The following APBA1 variants were observed in gnomAD, a reference collection of about 807,000 sequenced individuals.
APBA1 encodes amyloid-beta A4 precursor protein-binding family A member 1.
In APBA1, 55 loss-of-function variants were observed where a neutral mutation model predicts 86.6. The observed-to-expected ratio is 0.64, with a 90% CI of 0.51 to 0.80. The LOEUF (loss-of-function observed/expected upper bound fraction) is 0.80. Ranked by LOEUF, APBA1 falls within the 30% of genes least tolerant of loss-of-function variation. The pLI, the probability that APBA1 is intolerant of heterozygous loss-of-function variation, is 0.00. For missense variants in APBA1, 1,090 were observed against 1,183.0 expected (o/e 0.92, Z 1.15); for synonymous variants, 511 against 493.9 (o/e 1.03, Z -0.46).
At chr9:69,502,305 G>T (rs1835891202) in intron 2 of APBA1, among the ~76,000 whole-genome samples, 1 of 152,082 alleles carries the variant, frequency 6.6e-6, no homozygotes, top group Non-Finnish European at 1.5e-5. Context: ...AACACATCTT[G>T]CCTAGAGCTG....
chr9:69,616,067 AG>A (rs1406234974), intron 1 of APBA1, among the ~76,000 whole-genome samples: 1 of 152,196 alleles, frequency 6.6e-6, no homozygotes, highest in Non-Finnish European at 1.5e-5. Flanking sequence ...ACGTAATTGC[AG>A]TTTCACAACC....
In APBA1 at chr9:69,439,523, C is replaced by T. The variant is rs137950715; in HGVS notation, c.2301+1473G>A. Among the ~76,000 whole-genome samples the T allele has an allele frequency of 4.9e-3, 750 of 152,252 alleles. 31 individuals carry two copies. In the East Asian group the frequency reaches 0.094, roughly 19 times the overall value. The stretch of plus-strand genomic sequence containing the variant: ...TTTCTCTAAAATCCTCTTTATGCTT[C>T]ATTTCATTCATTTCATCTTCCATTG... On this transcript the variant is annotated intron_variant, in intron 11 of 12. Transcript: ENST00000265381.
chr9:69,441,424 T>C (rs1156416371), intron 10 of APBA1, among the ~76,000 whole-genome samples: 3 of 152,190 alleles, frequency 2.0e-5, no homozygotes, highest in Admixed American at 1.3e-4. Flanking sequence ...CTTGTGCAAC[T>C]ATGAGGAAGT....
At chr9:69,439,715 G>C (rs1834774715) in intron 11 of APBA1, among the ~76,000 whole-genome samples, 1 of 151,902 alleles carries the variant, frequency 6.6e-6, no homozygotes. Context: ...TCACTTCTTT[G>C]CCATTGGTTT....
chr9:69,445,330 C>T (rs1834889168), intron 10 of APBA1, among the ~76,000 whole-genome samples: 1 of 152,154 alleles, frequency 6.6e-6, no homozygotes. Flanking sequence ...CATGCATTTG[C>T]TCTGCTGTTC....
At chr9:69,636,959 GAAAGAAAGAAAGAAAGAAAGAAAGAAAA>G (rs1203143454) in intron 1 of APBA1, among the ~76,000 whole-genome samples, 2 of 150,890 alleles carry the variant, frequency 1.3e-5, no homozygotes, top group Non-Finnish European at 1.5e-5. Flanking sequence ...AAGAAAGAAA[GAAAGAAAGAAAGAAAGAAAGAAAGAAAA>G]ATGTGATACA....
intron 4 of APBA1, among the ~76,000 whole-genome samples, chr9:69,470,610 G>A (rs111620119): frequency 2.3e-4 from 35 of 152,300 alleles, no homozygotes; most frequent in African/African-American, 7.5e-4. Context: ...TGAGCCCAAG[G>A]GTTCATGAAG....
At chr9:69,649,447 C>A (rs1016735274) in intron 1 of APBA1, among the ~76,000 whole-genome samples, 3 of 152,046 alleles carry the variant, frequency 2.0e-5, no homozygotes, top group Middle Eastern at 3.2e-3. Context: ...TCACTTACCC[C>A]CTAGAGTCAC....
chr9:69,546,474 C>T lies in APBA1; in HGVS notation c.-69-29195G>A, dbSNP rs1258483083. 3.3e-5 allele frequency among the ~76,000 whole-genome samples: 5 copies of T among 152,232 alleles called. No individual in the cohort carries two copies. The South Asian group carries it at 6.2e-4, about 19-fold the overall frequency. On this transcript the variant is annotated intron_variant, in intron 1 of 12. Transcript: ENST00000265381. ...GGAGGGAGTAAGATAACCAAGAGGG[C>T]GCTGCCCCCTAATGGCTTCCACGGT...
At chr9:69,545,737 A>G (rs530350885) in intron 1 of APBA1, among the ~76,000 whole-genome samples, 1 of 152,358 alleles carries the variant, frequency 6.6e-6, no homozygotes, top group South Asian at 2.1e-4. Flanking sequence ...CTATAAAGTC[A>G]TCACGCATTC....
rs566023117 is a variant in APBA1, at chr9:69,551,636, A to AT, written c.-69-34358dup. 2.4e-4 allele frequency among the ~76,000 whole-genome samples: 37 copies of AT among 151,812 alleles called. No individual in the cohort carries two copies. The South Asian group carries it at 6.9e-3, about 28-fold the overall frequency. ...CAGGACCAATCTCTTTGTTTTCTGT[A>AT]TTTTTTCTGCCAATATTACATGATT... On this transcript the variant is annotated intron_variant, in intron 1 of 12. Transcript: ENST00000265381.
At chr9:69,443,352 C>G (rs1023733256) in intron 10 of APBA1, among the ~76,000 whole-genome samples, 3 of 152,218 alleles carry the variant, frequency 2.0e-5, no homozygotes, top group African/African-American at 7.2e-5. Context: ...CTTAATTTCT[C>G]CATGGATGAT....
intron 2 of APBA1, among the ~76,000 whole-genome samples, chr9:69,485,322 G>A (rs1835589978): frequency 6.6e-6 from 1 of 151,938 alleles, no homozygotes; most frequent in Non-Finnish European, 1.5e-5. Context: ...CCTAAACAAT[G>A]GTGTTAGTGT....
At chr9:69,554,549 C>T (rs189549475) in intron 1 of APBA1, among the ~76,000 whole-genome samples, 16 of 152,140 alleles carry the variant, frequency 1.1e-4, no homozygotes, top group African/African-American at 3.9e-4. Context: ...TGATCAGCAC[C>T]CAGAGAAACT....
At chr9:69,636,926 A>G (rs9722287) in intron 1 of APBA1, among the ~76,000 whole-genome samples, 3,101 of 30,550 alleles carry the variant, frequency 0.1, 51 homozygotes, top group East Asian at 0.14. Flanking sequence ...AAGGAAGGAA[A>G]GAAAGAAAGA....
intron 1 of APBA1, among the ~76,000 whole-genome samples, chr9:69,660,490 T>C (rs1823733740): frequency 6.6e-6 from 1 of 152,194 alleles, no homozygotes; most frequent in Non-Finnish European, 1.5e-5. Context: ...GCGCTTTTCA[T>C]GCTGAAATGT....
chr9:69,444,798 T>C (rs1834881264), intron 10 of APBA1, among the ~76,000 whole-genome samples: 1 of 152,214 alleles, frequency 6.6e-6, no homozygotes, highest in African/African-American at 2.4e-5. Flanking sequence ...TACGAATCAC[T>C]TGTCATGTGC....
At chr9:69,629,013 A>G (rs888820154) in intron 1 of APBA1, among the ~76,000 whole-genome samples, 1 of 152,178 alleles carries the variant, frequency 6.6e-6, no homozygotes, top group African/African-American at 2.4e-5. Flanking sequence ...CGATTTCTTC[A>G]TATCTTTTTA....
At chr9:69,636,243 A>G (rs1241840173) in intron 1 of APBA1, among the ~76,000 whole-genome samples, 1 of 152,226 alleles carries the variant, frequency 6.6e-6, no homozygotes, top group Non-Finnish European at 1.5e-5. Flanking sequence ...AAGACAGGCA[A>G]TAGCAAATGC....
Sources: allele counts gnomAD v4.1 joint callset (sites outside exome capture counted in the v4.1 genomes callset), GRCh38; gene constraint gnomAD v4.1.1; transcripts MANE v1.5; gene names NCBI Gene and HGNC (gene_info 2026-07-23, HGNC 2026-07-21).